PKHD1: variants seen among roughly 807,000 people sequenced by gnomAD.
PKHD1 encodes the protein PKHD1 ciliary IPT domain containing fibrocystin/polyductin.
PKHD1 carries 291 observed loss-of-function variants against 412.0 expected under a neutral mutation model. That is an observed-to-expected ratio of 0.71 (90% CI 0.64 to 0.78). The LOEUF is 0.78. Ranked by LOEUF, PKHD1 falls within the 30% of genes least tolerant of loss-of-function variation. The probability of loss-of-function intolerance (pLI) is 0.00; values close to 1 mark genes in which losing one functional copy is unlikely to be tolerated. For missense variants in PKHD1, 4,825 were observed against 4,950.7 expected (o/e 0.97, Z 0.76); for synonymous variants, 1,777 against 1,821.5 (o/e 0.98, Z 0.62).
chr6:51,709,721 G>C (rs1206504695), intron 60 of PKHD1, among the ~76,000 whole-genome samples: 3 of 152,142 alleles, frequency 2.0e-5, no homozygotes, highest in Admixed American at 6.5e-5. Flanking sequence ...TGGTCATTGT[G>C]TGAAATACAT....
At chr6:51,793,074 G>A (rs538062034) in intron 52 of PKHD1, among the ~76,000 whole-genome samples, 15 of 152,158 alleles carry the variant, frequency 9.9e-5, no homozygotes, top group South Asian at 8.3e-4. Flanking sequence ...AATAAATGTC[G>A]TCCAGATCTG....
intron 39 of PKHD1, among the ~76,000 whole-genome samples, chr6:51,910,945 C>T (rs893066560): frequency 6.6e-6 from 1 of 152,112 alleles, no homozygotes; most frequent in Admixed American, 6.6e-5. Context: ...TTAACTCCAG[C>T]TCCCTTTGAC....
chr6:51,965,474 T>C (rs1292014139), intron 35 of PKHD1, among the ~76,000 whole-genome samples: 2 of 152,062 alleles, frequency 1.3e-5, no homozygotes, highest in African/African-American at 2.4e-5. Context: ...CCCTAACCTA[T>C]AATCTAATAA....
chr6:51,828,144 T>C (rs1431757405), intron 52 of PKHD1, among the ~76,000 whole-genome samples: 1 of 152,054 alleles, frequency 6.6e-6, no homozygotes, highest in Non-Finnish European at 1.5e-5. Flanking sequence ...CAGTATAATA[T>C]ATAGTCTAAT....
chr6:51,756,945 A>G (rs138509426), intron 55 of PKHD1, among the ~76,000 whole-genome samples: 558 of 152,294 alleles, frequency 3.7e-3, no homozygotes, highest in Middle Eastern at 0.01. Context: ...ATCATCAAGC[A>G]TTAGATTCTC....
intron 35 of PKHD1, among the ~76,000 whole-genome samples, chr6:51,969,382 T>C (rs1464954148): frequency 6.6e-6 from 1 of 152,204 alleles, no homozygotes; most frequent in Non-Finnish European, 1.5e-5. Context: ...AGAGAACCCA[T>C]CTACTCTGTG....
At chr6:51,658,359 G>A (rs1434772227) in intron 61 of PKHD1, among the ~76,000 whole-genome samples, 1 of 152,024 alleles carries the variant, frequency 6.6e-6, no homozygotes, top group African/African-American at 2.4e-5. Flanking sequence ...CTTTCACTTG[G>A]ATATGTTGCT....
chr6:51,828,581 GATTT>G (rs1245291515), intron 52 of PKHD1, among the ~76,000 whole-genome samples: 1 of 152,020 alleles, frequency 6.6e-6, no homozygotes, highest in Non-Finnish European at 1.5e-5. Flanking sequence ...CAAACACAAA[GATTT>G]ATTTCTGCTA....
At chr6:51,934,086 C>G in intron 37 of PKHD1, 24 bp downstream of exon 37, 1 of 1,547,528 alleles carries the variant, frequency 6.5e-7, no homozygotes, top group Non-Finnish European at 8.9e-7. Context: ...TACTTCATTT[C>G]CTCTGATCAA....
chr6:51,950,220 A>AAAAAATATATAT lies in PKHD1; in HGVS notation c.5908+9649_5908+9650insATATATATTTTT. 1.1e-3 allele frequency among the ~76,000 whole-genome samples: 110 copies of AAAAAATATATAT among 98,284 alleles called. 1 individual carries two copies. The highest frequency in any genetic ancestry group is 4.8e-3 in the Middle Eastern group (1 of 208). The allele number at this position is 98,284 out of a possible 152,430, so 64.5% of individuals were successfully genotyped here. ...AATGGGCAATATAGAGAAAAAAAAA[A>AAAAAATATATAT]ATATATATATATATATATATGAAAT... is the stretch of plus-strand genomic sequence containing the variant. On this transcript the variant is annotated intron_variant, in intron 36 of 66. Transcript: ENST00000371117.
In PKHD1 at chr6:51,615,885, A is replaced by G. The variant is rs1766020478; in HGVS notation, c.*3196T>C. 1 of 152,058 alleles carries G rather than the reference A, an allele frequency of 6.6e-6. No homozygotes were observed. The highest frequency in any genetic ancestry group is 2.4e-5 in the African/African-American group (1 of 41,400). 9.4% of individuals were successfully genotyped at this position (152,058 alleles called of 1,614,324 possible). A position where few individuals can be genotyped will look rare whatever the true frequency, so the allele number is the denominator to read the frequency against. Reference sequence around the variant, plus strand: ...CTTGATCAGATAAGCTGAGTCTCGCACTCTGGAAGAGACTTGAAGTTCTGT... The same window carrying G: ...CTTGATCAGATAAGCTGAGTCTCGCGCTCTGGAAGAGACTTGAAGTTCTGT... On this transcript the variant is annotated 3_prime_UTR_variant, in exon 67 of 67. Coordinates refer to ENST00000371117, the MANE Select transcript of PKHD1 (RefSeq NM_138694.4).
chr6:51,698,485 C>T (rs1472661008), intron 60 of PKHD1, among the ~76,000 whole-genome samples: 1 of 152,036 alleles, frequency 6.6e-6, no homozygotes. Flanking sequence ...AAGAGTTAAA[C>T]GTCCCTCAAA....
intron 60 of PKHD1, among the ~76,000 whole-genome samples, chr6:51,665,574 A>G (rs920114559): frequency 3.9e-5 from 6 of 152,170 alleles, no homozygotes; most frequent in Non-Finnish European, 7.3e-5. Context: ...GAAATGCCCT[A>G]CATGAGCTGA....
Position 51,903,971 on chromosome 6 carries a change from A to C in PKHD1, c.6865+15T>G. The C allele has an allele frequency of 1.3e-6, 2 of 1,506,358 alleles. No individual in the cohort carries two copies. The highest frequency in any genetic ancestry group is 9.2e-7 in the Non-Finnish European group (1 of 1,082,302). The allele number at this position is 1,506,358 out of a possible 1,614,324, so 93.3% of individuals were successfully genotyped here. On this transcript the variant is annotated intron_variant, in intron 42 of 66. Coordinates refer to ENST00000371117, the MANE Select transcript of PKHD1 (RefSeq NM_138694.4). ...AATACACTGTAATAGATTTAAAATC[A>C]ATTTACATATTTACCATCTTTCCTT... is the stretch of plus-strand genomic sequence containing the variant.
intron 60 of PKHD1, among the ~76,000 whole-genome samples, chr6:51,676,526 CAA>C (rs1225788078): frequency 6.6e-6 from 1 of 152,030 alleles, no homozygotes. Flanking sequence ...TTGACAAAAA[CAA>C]AATATATACT....
intron 35 of PKHD1, among the ~76,000 whole-genome samples, chr6:52,007,758 A>T (rs1046292135): frequency 6.6e-6 from 1 of 152,208 alleles, no homozygotes; most frequent in Non-Finnish European, 1.5e-5. Flanking sequence ...AGTAGAATCT[A>T]GAATTAACAA....
At chr6:52,035,553 C>G in intron 28 of PKHD1, 38 bp downstream of exon 28, 3 of 1,595,972 alleles carry the variant, frequency 1.9e-6, no homozygotes, top group Non-Finnish European at 2.6e-6. Flanking sequence ...AGTGGTCACT[C>G]ACCCAGAGAG....
At chr6:52,032,908 C>T in intron 29 of PKHD1, 122 bp downstream of exon 29, 1 of 870,678 alleles carries the variant, frequency 1.1e-6, no homozygotes, top group South Asian at 1.4e-5. Flanking sequence ...AAAAAGCAAT[C>T]TCCTAGCTTT....
chr6:51,742,981 T>C (rs535481436), intron 60 of PKHD1, among the ~76,000 whole-genome samples: 19 of 152,128 alleles, frequency 1.2e-4, no homozygotes, highest in Middle Eastern at 3.2e-3. Flanking sequence ...AACGCCCTGA[T>C]GTAGTGATAC....
Sources: allele counts gnomAD v4.1 joint callset (sites outside exome capture counted in the v4.1 genomes callset), GRCh38; gene constraint gnomAD v4.1.1; transcripts MANE v1.5; gene names NCBI Gene and HGNC (gene_info 2026-07-23, HGNC 2026-07-21).